The following DGKB variants were observed in gnomAD, a reference collection of about 807,000 sequenced individuals.
The protein encoded by DGKB is diacylglycerol kinase beta, also known as 90 kDa diacylglycerol kinase.
A neutral mutation model predicts 114.3 loss-of-function variants in DGKB; 67 were observed. The observed-to-expected ratio is 0.59, with a 90% CI of 0.48 to 0.72. The LOEUF (loss-of-function observed/expected upper bound fraction) is 0.72, where lower values mean the gene tolerates loss of function less well. DGKB is among the 30% of genes least tolerant of loss of function. DGKB has a pLI of 0.00. For synonymous variants in DGKB, 398 were observed against 323.1 expected (o/e 1.23, Z -2.49); for missense variants, 907 against 975.2 (o/e 0.93, Z 0.93).
intron 5 of DGKB, among the ~76,000 whole-genome samples, chr7:14,734,960 G>T (rs1831494093): frequency 6.6e-6 from 1 of 152,104 alleles, no homozygotes; most frequent in African/African-American, 2.4e-5. Flanking sequence ...GGTGGGGTGG[G>T]GAGTCGCGGG....
chr7:14,288,698 G>T (rs868002473), intron 23 of DGKB, among the ~76,000 whole-genome samples: 3 of 152,194 alleles, frequency 2.0e-5, no homozygotes, highest in East Asian at 3.9e-4. Flanking sequence ...GTCAGCCTTT[G>T]ATTGTTAGTC....
At chr7:14,684,680 A>G (rs1390650487) in intron 10 of DGKB, among the ~76,000 whole-genome samples, 1 of 152,202 alleles carries the variant, frequency 6.6e-6, no homozygotes, top group East Asian at 1.9e-4. Context: ...TTAATCATCA[A>G]TGCTCTGCAT....
At chr7:14,796,534 G>A (rs1015668808) in intron 2 of DGKB, among the ~76,000 whole-genome samples, 7 of 151,978 alleles carry the variant, frequency 4.6e-5, no homozygotes, top group African/African-American at 7.3e-5. Context: ...GGCTTTACCC[G>A]CACAATTCTG....
intron 20 of DGKB, among the ~76,000 whole-genome samples, chr7:14,528,501 A>T (rs1791009444): frequency 6.6e-6 from 1 of 152,220 alleles, no homozygotes; most frequent in East Asian, 1.9e-4. Context: ...GGCTTATAAG[A>T]TATAAAAATT....
At chr7:14,779,306 C>A (rs1586443706) in intron 2 of DGKB, among the ~76,000 whole-genome samples, 2 of 152,142 alleles carry the variant, frequency 1.3e-5, no homozygotes, top group African/African-American at 2.4e-5. Flanking sequence ...GAGGCCAAGG[C>A]TGGCAAATTG....
intron 2 of DGKB, among the ~76,000 whole-genome samples, chr7:14,793,308 C>A (rs534153242): frequency 7.9e-5 from 12 of 152,084 alleles, no homozygotes; most frequent in Non-Finnish European, 1.5e-4. Context: ...ATTGCTCCCC[C>A]GCCAATCCTG....
chr7:14,677,672 G>A lies in DGKB; in HGVS notation c.1036-4645C>T, dbSNP rs140128851. Among the ~76,000 whole-genome samples the A allele has an allele frequency of 3.2e-3, 480 of 152,064 alleles. 2 individuals carry two copies. Among genetic ancestry groups the A allele is most frequent in the African/African-American group, 0.011 (442 of 41,502 alleles). On this transcript the variant is annotated intron_variant, in intron 12 of 25. Coordinates refer to ENST00000402815, the MANE Select transcript of DGKB (RefSeq NM_001350709.2). Reference sequence around the variant, plus strand: ...AATGATTCACAACATGTTATACAACGAAGGTCAAGAAAACACAGTTTCAGA... The same window carrying A: ...AATGATTCACAACATGTTATACAACAAAGGTCAAGAAAACACAGTTTCAGA...
intron 21 of DGKB, among the ~76,000 whole-genome samples, chr7:14,423,109 T>C (rs936796723): frequency 6.6e-6 from 1 of 152,030 alleles, no homozygotes; most frequent in Non-Finnish European, 1.5e-5. Context: ...TATGATTTGG[T>C]TAAATTAGAT....
At chr7:14,400,871 T>G (rs1392209111) in intron 21 of DGKB, among the ~76,000 whole-genome samples, 2 of 151,776 alleles carry the variant, frequency 1.3e-5, no homozygotes, top group Non-Finnish European at 2.9e-5. Context: ...CTTGAAAACA[T>G]AGTCAAGTTT....
chr7:14,690,861 G>A (rs1468077837), intron 9 of DGKB, among the ~76,000 whole-genome samples: 1 of 152,194 alleles, frequency 6.6e-6, no homozygotes, highest in Non-Finnish European at 1.5e-5. Flanking sequence ...GAATGAATAA[G>A]TCTCAGGTAT....
At chr7:14,579,956 T>A (rs751383255) in intron 19 of DGKB, among the ~76,000 whole-genome samples, 2 of 152,200 alleles carry the variant, frequency 1.3e-5, no homozygotes, top group African/African-American at 4.8e-5. Flanking sequence ...GCTAAAAATA[T>A]TTAGCATTCA....
At chr7:14,170,155 AAGAAAGAAAGAAAG>A (rs1474013123) in intron 25 of DGKB, among the ~76,000 whole-genome samples, 29 of 74,388 alleles carry the variant, frequency 3.9e-4, no homozygotes, top group African/African-American at 2.5e-3. Flanking sequence ...AAAAGAAAGA[AAGAAAGAAAGAAAG>A]AAAGAAAGAA....
chr7:14,679,935 G>A (rs73680179), intron 12 of DGKB, among the ~76,000 whole-genome samples: 2,288 of 151,986 alleles, frequency 0.015, 51 homozygotes, highest in African/African-American at 0.051. Context: ...TTAAAAATCC[G>A]GAACTGGATG....
chr7:14,828,570 A>G (rs1846009410), intron 2 of DGKB, among the ~76,000 whole-genome samples: 1 of 151,962 alleles, frequency 6.6e-6, no homozygotes, highest in East Asian at 1.9e-4. Flanking sequence ...TATCTGAGAG[A>G]GTATTTAGTA....
intron 20 of DGKB, among the ~76,000 whole-genome samples, chr7:14,564,967 T>C (rs1797180091): frequency 6.6e-6 from 1 of 152,100 alleles, no homozygotes; most frequent in Non-Finnish European, 1.5e-5. Context: ...TAAGTATATG[T>C]TTAGGTAGAT....
chr7:14,642,346 T>C (rs1168446343), intron 13 of DGKB, among the ~76,000 whole-genome samples: 3 of 152,168 alleles, frequency 2.0e-5, no homozygotes, highest in African/African-American at 2.4e-5. Flanking sequence ...TTATCTGCCA[T>C]CCTTTTTCTT....
chr7:14,337,149 TCTA>T, intron 23 of DGKB, among the ~76,000 whole-genome samples: 1 of 152,154 alleles, frequency 6.6e-6, no homozygotes, highest in Non-Finnish European at 1.5e-5. Context: ...TTTTTAGAAA[TCTA>T]CTAATTTTAC....
At chr7:14,957,075 A>G (rs1454523878) in intron 1 of DGKB, among the ~76,000 whole-genome samples, 3 of 151,964 alleles carry the variant, frequency 2.0e-5, no homozygotes, top group Non-Finnish European at 4.4e-5. Context: ...TGAGCTTTCT[A>G]GTTTCATGGT....
chr7:14,809,167 A>T (rs1843115393), intron 2 of DGKB, among the ~76,000 whole-genome samples: 1 of 152,108 alleles, frequency 6.6e-6, no homozygotes, highest in Non-Finnish European at 1.5e-5. Flanking sequence ...CTCAAAAGAA[A>T]TTCTATCCCG....
Sources: allele counts gnomAD v4.1 joint callset (sites outside exome capture counted in the v4.1 genomes callset), GRCh38; gene constraint gnomAD v4.1.1; transcripts MANE v1.5; gene names NCBI Gene and HGNC (gene_info 2026-07-23, HGNC 2026-07-21).